CLASP1: variants seen among roughly 807,000 people sequenced by gnomAD.
The protein encoded by CLASP1 is cytoplasmic linker associated protein 1, also known as CLIP-associating protein 1.
CLASP1 carries 38 observed loss-of-function variants against 192.3 expected under a neutral mutation model. That is an observed-to-expected ratio of 0.20 (90% CI 0.15 to 0.26). CLASP1 has a LOEUF of 0.26. Ranked by LOEUF, CLASP1 falls within the 10% of genes least tolerant of loss-of-function variation. The pLI, the probability that CLASP1 is intolerant of heterozygous loss-of-function variation, is 1.00. For synonymous variants in CLASP1, 691 were observed against 712.8 expected (o/e 0.97, Z 0.49); for missense variants, 1,433 against 1,932.5 (o/e 0.74, Z 4.85).
chr2:121,478,760 C>G (rs1575271622), intron 8 of CLASP1, among the ~76,000 whole-genome samples: 1 of 87,198 alleles, frequency 1.1e-5, no homozygotes, highest in African/African-American at 5.4e-5. Flanking sequence ...ACCACACACA[C>G]ACCACACACC....
intron 2 of CLASP1, among the ~76,000 whole-genome samples, chr2:121,589,989 A>C (rs1317356256): frequency 1.3e-5 from 2 of 152,016 alleles, no homozygotes; most frequent in Non-Finnish European, 2.9e-5. Context: ...TAGACAGACA[A>C]TTTTCATCAA....
At chr2:121,349,588 C>T (rs931562242) in intron 37 of CLASP1, among the ~76,000 whole-genome samples, 1 of 152,198 alleles carries the variant, frequency 6.6e-6, no homozygotes, top group Non-Finnish European at 1.5e-5. Context: ...CTGGAAGAGG[C>T]CCACCTGCCA....
intron 23 of CLASP1, among the ~76,000 whole-genome samples, chr2:121,412,734 G>A (rs1206659156): frequency 1.3e-5 from 2 of 152,272 alleles, no homozygotes; most frequent in Non-Finnish European, 2.9e-5. Flanking sequence ...CATACAGAGT[G>A]ACTATAGATC....
At chr2:121,457,854 A>G in intron 13 of CLASP1, 97 bp from the exon 14 acceptor site, 1 of 751,222 alleles carries the variant, frequency 1.3e-6, no homozygotes, top group Non-Finnish European at 2.3e-6. Context: ...CTTATAGCAC[A>G]TATATATTCA....
chr2:121,444,748 G>A (rs2084015836), intron 19 of CLASP1, among the ~76,000 whole-genome samples: 1 of 152,148 alleles, frequency 6.6e-6, no homozygotes, highest in Non-Finnish European at 1.5e-5. Flanking sequence ...GAACAAGAAA[G>A]GGAAGGAGAA....
chr2:121,367,935 G>T, intron 34 of CLASP1, 104 bp from the exon 36 acceptor site: 1 of 1,444,674 alleles, frequency 6.9e-7, no homozygotes. Flanking sequence ...CTTGAAATAT[G>T]TATGGCCAGT....
intron 7 of CLASP1, among the ~76,000 whole-genome samples, chr2:121,509,743 C>A (rs928610607): frequency 5.9e-5 from 9 of 152,092 alleles, no homozygotes; most frequent in African/African-American, 2.2e-4. Context: ...GAGACTGAGG[C>A]ACAAGAATTG....
chr2:121,513,090 A>G (rs1486919041), intron 7 of CLASP1: 1 of 152,270 alleles, frequency 6.6e-6, no homozygotes, highest in East Asian at 1.9e-4. Flanking sequence ...CTCTGATACC[A>G]TAAAAGCCTC....
chr2:121,648,521 G>A (rs1319419648), intron 1 of CLASP1, among the ~76,000 whole-genome samples: 3 of 152,194 alleles, frequency 2.0e-5, no homozygotes, highest in African/African-American at 7.2e-5. Context: ...TTTAATTTTA[G>A]AAGCAAACAA....
chr2:121,528,844 TTCCTATC>T (rs1444315865), intron 3 of CLASP1, 64 bp from the exon 4 acceptor site: 1 of 1,228,062 alleles, frequency 8.1e-7, no homozygotes, highest in Non-Finnish European at 1.2e-6. Context: ...TCACCAAGTA[TTCCTATC>T]TCAATTATGT....
chr2:121,435,998 G>C (rs537455104), intron 19 of CLASP1, among the ~76,000 whole-genome samples: 1 of 151,066 alleles, frequency 6.6e-6, no homozygotes, highest in South Asian at 2.1e-4. Flanking sequence ...TCTTTTTCTA[G>C]TGGCTTCTGT....
At chr2:121,338,998 C>A (rs1344719912) in exon 40 of CLASP1, 2 of 152,574 alleles carry the variant, frequency 1.3e-5, no homozygotes, top group African/African-American at 4.8e-5. Context: ...CAACAAAAGA[C>A]CTGGTCCTGC....
rs147174691 is a variant in CLASP1, at chr2:121,539,082, G to A, written c.196-8757C>T. On this transcript the variant is annotated intron_variant, in intron 2 of 39. Coordinates refer to ENST00000263710, the Ensembl canonical transcript of CLASP1. ...AATACTCAGTACTGTGAAATTTTCA[G>A]TTCTCCCAAATTGATCTAAACATTC... 1.6e-3 allele frequency among the ~76,000 whole-genome samples: 242 copies of A among 152,224 alleles called. 1 individual carries two copies. The highest frequency in any genetic ancestry group is 5.7e-3 in the African/African-American group (236 of 41,542).
intron 8 of CLASP1, among the ~76,000 whole-genome samples, chr2:121,478,889 A>C (rs985957572): frequency 7.1e-4 from 8 of 11,298 alleles, no homozygotes; most frequent in South Asian, 4.5e-3. Flanking sequence ...CACACACACC[A>C]CACACACACA....
chr2:121,508,510 GTAC>G (rs1204470667), intron 7 of CLASP1, among the ~76,000 whole-genome samples: 1 of 152,154 alleles, frequency 6.6e-6, no homozygotes, highest in Admixed American at 6.5e-5. Context: ...TACCTTGCCA[GTAC>G]TACATTAAAT....
chr2:121,508,195 C>T (rs914745294), intron 7 of CLASP1, among the ~76,000 whole-genome samples: 5 of 151,836 alleles, frequency 3.3e-5, no homozygotes, highest in Non-Finnish European at 5.9e-5. Context: ...CACTGGTGGG[C>T]TTATAATGTA....
chr2:121,445,447 A>T (rs1216472341), intron 19 of CLASP1: 3 of 1,288,994 alleles, frequency 2.3e-6, no homozygotes, highest in African/African-American at 1.5e-5. Context: ...CGAGCATGGT[A>T]CCTGAGTCCA....
intron 28 of CLASP1, among the ~76,000 whole-genome samples, chr2:121,399,786 C>T (rs887034316): frequency 6.6e-5 from 10 of 152,298 alleles, no homozygotes; most frequent in African/African-American, 2.4e-4. Context: ...TCTTAATACT[C>T]CTACCATTCC....
intron 2 of CLASP1, among the ~76,000 whole-genome samples, chr2:121,572,906 T>C (rs1419168470): frequency 6.6e-6 from 1 of 152,198 alleles, no homozygotes; most frequent in Non-Finnish European, 1.5e-5. Flanking sequence ...AAATCTAGCT[T>C]GGGTCCCACT....
Sources: gnomAD v4.1 joint callset for allele counts (sites outside exome capture counted in the v4.1 genomes callset) on GRCh38, gnomAD v4.1.1 for gene constraint, MANE v1.5 for transcripts, NCBI Gene and HGNC (gene_info 2026-07-23, HGNC 2026-07-21) for gene names.